The following MPDZ variants were observed in gnomAD, a reference collection of about 807,000 sequenced individuals.
The protein encoded by MPDZ is multiple PDZ domain protein.
Under a neutral mutation model 239.1 loss-of-function variants are expected in MPDZ, and 234 were observed. The ratio of observed to expected loss-of-function variants is 0.98; its 90% CI spans 0.88 to 1.09. MPDZ has a LOEUF of 1.09. MPDZ is among the 50% of genes least tolerant of loss of function. MPDZ has a pLI of 0.00. For synonymous variants in MPDZ, 1,048 were observed against 881.3 expected (o/e 1.19, Z -3.35); for missense variants, 3,175 against 2,510.0 (o/e 1.26, Z -5.66).
At chr9:13,235,699 G>T (rs894819333) in intron 3 of MPDZ, among the ~76,000 whole-genome samples, 3 of 152,272 alleles carry the variant, frequency 2.0e-5, no homozygotes, top group East Asian at 3.9e-4. Flanking sequence ...ACCCAAGAAT[G>T]CTGATGGAGT....
intron 43 of MPDZ, 83 bp from the exon 44 acceptor site, chr9:13,110,823 T>C: frequency 1.2e-6 from 1 of 853,442 alleles, no homozygotes; most frequent in Non-Finnish European, 1.8e-6. Context: ...CATTTCCTTC[T>C]CCACCTTCCA....
At chr9:13,205,130 T>C in intron 11 of MPDZ, 23 bp from the exon 12 acceptor site, 1 of 1,260,970 alleles carries the variant, frequency 7.9e-7, no homozygotes, top group Non-Finnish European at 1.1e-6. Flanking sequence ...AATATTTTAG[T>C]AATTTTATCT....
intron 1 of MPDZ, among the ~76,000 whole-genome samples, chr9:13,270,221 A>G (rs1436398952): frequency 6.6e-6 from 1 of 152,250 alleles, no homozygotes; most frequent in Non-Finnish European, 1.5e-5. Context: ...GTAATAATCC[A>G]GAAAGGACAT....
intron 19 of MPDZ, among the ~76,000 whole-genome samples, chr9:13,178,070 T>C (rs527327058): frequency 7.7e-4 from 117 of 152,038 alleles, no homozygotes; most frequent in Non-Finnish European, 1.4e-3. Context: ...TCTCAAAGTG[T>C]TGGGATTACA....
rs1411381174 is a variant in MPDZ at position 13,158,032 on chromosome 9, C to T, written c.3438G>A (p.Trp1146Ter). Residue 1146 changes from tryptophan to a stop codon, truncating the protein, a stop_gained, in exon 24 of 47, where the codon TGG becomes TGA. Coordinates refer to ENST00000319217, the MANE Select transcript of MPDZ (RefSeq NM_001378778.1). LOFTEE classifies it high-confidence loss of function. The part of the protein sequence containing the change: ...SELQNTAYSN[W>*]NQPRRVELWR... Reference sequence around the variant, plus strand: ...ATAGTCCTTACCGCCTGGGCTGATTCCAATTGCTATATGCTGTGTTTTGAA... The same window carrying T: ...ATAGTCCTTACCGCCTGGGCTGATTTCAATTGCTATATGCTGTGTTTTGAA... 2 of 1,612,414 alleles carry T rather than the reference C, an allele frequency of 1.2e-6. No individual in the cohort carries two copies. The highest frequency in any genetic ancestry group is 2.7e-5 in the African/African-American group (2 of 74,852).
At chr9:13,221,286 A>C (rs1959065515) in intron 7 of MPDZ, 86 bp downstream of exon 7, 1 of 1,393,946 alleles carries the variant, frequency 7.2e-7, no homozygotes, top group African/African-American at 1.5e-5. Flanking sequence ...TTAAGGCCAA[A>C]GTTTCTTCTT....
chr9:13,222,185 C>A, intron 6 of MPDZ, 48 bp downstream of exon 6: 1 of 1,509,394 alleles, frequency 6.6e-7, no homozygotes, highest in South Asian at 1.3e-5. Context: ...TAACCAAAAA[C>A]AACTTGAAAA....
chr9:13,182,500 C>T (rs1015329522), intron 19 of MPDZ, among the ~76,000 whole-genome samples: 1 of 151,984 alleles, frequency 6.6e-6, no homozygotes, highest in African/African-American at 2.4e-5. Context: ...TTACTACACA[C>T]ATGTACATAG....
chr9:13,170,835 G>A (rs533786650), intron 21 of MPDZ, among the ~76,000 whole-genome samples: 1 of 152,286 alleles, frequency 6.6e-6, no homozygotes, highest in Admixed American at 6.5e-5. Context: ...TCAGTTAGCT[G>A]AGCTTATACT....
chr9:13,121,987 G>A (rs758853962), intron 37 of MPDZ, 55 bp from the exon 38 acceptor site: 1 of 1,595,460 alleles, frequency 6.3e-7, no homozygotes, highest in African/African-American at 1.3e-5. Context: ...AGGAGAGTTA[G>A]GTGGGGAAGG....
rs1587650282 is a variant in MPDZ at position 13,189,122 on chromosome 9, A to T, written c.2155-129T>A. On this transcript the variant is annotated intron_variant, in intron 16 of 46. Transcript: ENST00000319217. ...TTTAAAAATTTTCATGCCAAAAAAAATCCATACAAAATTTCTAATTATTTA... is the reference window on the plus strand; with the variant it reads ...TTTAAAAATTTTCATGCCAAAAAAATTCCATACAAAATTTCTAATTATTTA... 1.2e-5 allele frequency: 9 copies of T among 745,526 alleles called. No individual in the cohort carries two copies. The East Asian group carries it at 2.2e-4, about 18-fold the overall frequency. 46.2% of individuals were successfully genotyped at this position (745,526 alleles called of 1,614,324 possible). A position where few individuals can be genotyped will look rare whatever the true frequency, so the allele number is the denominator to read the frequency against.
chr9:13,272,448 A>G (rs911542442), intron 1 of MPDZ, among the ~76,000 whole-genome samples: 3 of 152,172 alleles, frequency 2.0e-5, no homozygotes, highest in African/African-American at 7.2e-5. Context: ...GTTTTGTAAA[A>G]CAGCATAGGA....
intron 1 of MPDZ, among the ~76,000 whole-genome samples, chr9:13,254,425 A>G (rs572564274): frequency 1.3e-5 from 2 of 152,350 alleles, no homozygotes; most frequent in South Asian, 4.1e-4. Flanking sequence ...ATTTCAAGGT[A>G]CTAAATCCCT....
rs375292259 is a variant in MPDZ at position 13,126,675 on chromosome 9, C to T, written c.4557+5G>A. ...CTTAATGACAGCAAGAAAGGTAAACCTCACCGTGGCTGCTACCCCATGCTC... is the reference window on the plus strand; with the variant it reads ...CTTAATGACAGCAAGAAAGGTAAACTTCACCGTGGCTGCTACCCCATGCTC... On this transcript the variant is annotated splice_donor_5th_base_variant and intron_variant, in intron 33 of 46. Transcript: ENST00000319217. 4 of 1,613,474 alleles carry T rather than the reference C, an allele frequency of 2.5e-6. No individual in the cohort carries two copies. Among genetic ancestry groups the T allele is most frequent in the South Asian group, 1.1e-5 (1 of 91,048 alleles).
chr9:13,230,319 A>G (rs1962001532), intron 3 of MPDZ, among the ~76,000 whole-genome samples: 1 of 152,178 alleles, frequency 6.6e-6, no homozygotes, highest in African/African-American at 2.4e-5. Context: ...TTGTACAGAA[A>G]TAAAAACCTA....
chr9:13,198,796 C>T (rs1956020972), intron 12 of MPDZ, among the ~76,000 whole-genome samples: 1 of 71,476 alleles, frequency 1.4e-5, no homozygotes, highest in Admixed American at 1.7e-4. Context: ...TTAGGACAGG[C>T]CTTTGTAACA....
At chr9:13,131,684 A>T (rs1946019457) in intron 32 of MPDZ, among the ~76,000 whole-genome samples, 1 of 152,190 alleles carries the variant, frequency 6.6e-6, no homozygotes, top group African/African-American at 2.4e-5. Flanking sequence ...TATCCCTGCT[A>T]TGTAAAGAAT....
In MPDZ at chr9:13,157,441, A is replaced by G. The variant is rs79135834; in HGVS notation, c.3452+577T>C. Among the ~76,000 whole-genome samples, 529 of 152,244 alleles carry G rather than the reference A, an allele frequency of 3.5e-3. 3 individuals carry two copies. The highest frequency in any genetic ancestry group is 0.012 in the African/African-American group (512 of 41,550). ...TAGGTCCATAATCAGGACTCAGTAA[A>G]TTCCTATTAAACTAAAGTTGATTTT... On this transcript the variant is annotated intron_variant, in intron 24 of 46. Coordinates refer to ENST00000319217, the MANE Select transcript of MPDZ (RefSeq NM_001378778.1).
At chr9:13,171,626 T>G (rs905226080) in intron 21 of MPDZ, among the ~76,000 whole-genome samples, 3 of 152,178 alleles carry the variant, frequency 2.0e-5, no homozygotes, top group Non-Finnish European at 2.9e-5. Flanking sequence ...AGATTAGAAT[T>G]TTTCAAAGGT....
Sources: gnomAD v4.1 joint callset for allele counts (sites outside exome capture counted in the v4.1 genomes callset) on GRCh38, gnomAD v4.1.1 for gene constraint, MANE v1.5 for transcripts, NCBI Gene and HGNC (gene_info 2026-07-23, HGNC 2026-07-21) for gene names.